Variants in RBM5 observed in about 807,000 individuals in gnomAD.
The protein encoded by RBM5 is RNA binding motif protein 5.
A neutral mutation model predicts 124.6 loss-of-function variants in RBM5; 15 were observed. The ratio of observed to expected loss-of-function variants is 0.12; its 90% CI spans 0.08 to 0.19. RBM5 has a LOEUF of 0.19. RBM5 is among the 10% of genes least tolerant of loss of function. The pLI is 1.00. For synonymous variants in RBM5, 337 were observed against 361.2 expected (o/e 0.93, Z 0.76); for missense variants, 580 against 1,026.5 (o/e 0.57, Z 5.94).
chr3:50,116,421 G>GA (rs1289920971), intron 22 of RBM5: 1 of 179,184 alleles, frequency 5.6e-6, no homozygotes, highest in Non-Finnish European at 1.2e-5. Context: ...ACAAAGGCAA[G>GA]AGAGAAGCCT....
chr3:50,113,322 A>T, intron 17 of RBM5, 61 bp from the exon 18 acceptor site: 3 of 1,522,144 alleles, frequency 2.0e-6, no homozygotes, highest in Admixed American at 3.9e-5. Flanking sequence ...TTGACAAAAT[A>T]TGTAATCGAC....
intron 4 of RBM5, among the ~76,000 whole-genome samples, chr3:50,096,803 CTCTT>C (rs1481077311): frequency 1.3e-5 from 2 of 150,056 alleles, no homozygotes; most frequent in Non-Finnish European, 3.0e-5. Flanking sequence ...GACAAGGTCT[CTCTT>C]TATTGCCTAG....
chr3:50,113,957 A>G lies in RBM5; in HGVS notation c.1625A>G (p.Lys542Arg). ...TTTGTTGTTTGACATTAGATTGCCAAAGACATGGAACGCTGGGCTAAGAGT... is the reference window on the plus strand; with the variant it reads ...TTTGTTGTTTGACATTAGATTGCCAGAGACATGGAACGCTGGGCTAAGAGT... ...PKSKTAQQIA[K>R]DMERWAKSLN... The change falls in exon 19 of 25, where the codon AAA becomes AGA. Residue 542 changes from lysine (K) to arginine (R), a missense_variant. Transcript: ENST00000347869. 1 of 1,611,122 alleles carries G rather than the reference A, an allele frequency of 6.2e-7. No individual in the cohort carries two copies. The highest frequency in any genetic ancestry group is 8.5e-7 in the Non-Finnish European group (1 of 1,178,976).
At chr3:50,107,347 C>G (rs2091051908) in intron 11 of RBM5, 135 bp from the exon 12 acceptor site, 1 of 704,066 alleles carries the variant, frequency 1.4e-6, no homozygotes, top group African/African-American at 1.7e-5. Context: ...CCATGAAGAG[C>G]CCTCCCCCTG....
rs1402965368 is a variant in RBM5 at position 50,110,482 on chromosome 3, G to A, written c.1363+19G>A. 12 of 1,604,382 alleles carry A rather than the reference G, an allele frequency of 7.5e-6. No individual in the cohort carries two copies. Among genetic ancestry groups the A allele is most frequent in the Non-Finnish European group, 1.0e-5 (12 of 1,171,312 alleles). On this transcript the variant is annotated intron_variant, in intron 16 of 24. Coordinates refer to ENST00000347869, the MANE Select transcript of RBM5 (RefSeq NM_005778.4). ...AAATATGGTAAGCCAAACCTCATGG[G>A]GCTGTTGACAGTTGGAAGGTCTTAG...
intron 3 of RBM5, 130 bp from the exon 4 acceptor site, chr3:50,093,590 A>G (rs2090749707): frequency 1.0e-6 from 1 of 990,574 alleles, no homozygotes; most frequent in Non-Finnish European, 1.4e-6. Context: ...AAAAAATTGC[A>G]GTGAACATTA....
At chr3:50,114,373 G>T in intron 20 of RBM5, 122 bp downstream of exon 20, 1 of 935,202 alleles carries the variant, frequency 1.1e-6, no homozygotes, top group Non-Finnish European at 1.6e-6. Flanking sequence ...CTGTTGATGG[G>T]TATTGGAGCA....
intron 22 of RBM5, 88 bp from the exon 23 acceptor site, chr3:50,116,986 C>T (rs1015443640): frequency 7.4e-6 from 9 of 1,221,158 alleles, no homozygotes; most frequent in Non-Finnish European, 1.1e-5. Flanking sequence ...TTTAAAAATA[C>T]TTGAGGGGAT....
chr3:50,109,887 A>T, intron 15 of RBM5, 199 bp downstream of exon 15: 1 of 501,962 alleles, frequency 2.0e-6, no homozygotes, highest in Non-Finnish European at 3.5e-6. Context: ...TCAACTGTGT[A>T]TTTACACTTT....
intron 14 of RBM5, among the ~76,000 whole-genome samples, chr3:50,109,163 T>C (rs1179954908): frequency 6.6e-6 from 1 of 152,130 alleles, no homozygotes; most frequent in Admixed American, 6.5e-5. Context: ...GAGCTCTGCC[T>C]CCCAGGTTCA....
chr3:50,106,087 G>GA (rs1408105143), intron 10 of RBM5, among the ~76,000 whole-genome samples: 4 of 146,098 alleles, frequency 2.7e-5, no homozygotes, highest in Non-Finnish European at 5.9e-5. Context: ...TGAGTAGCTG[G>GA]GATTACAGGT....
At chr3:50,108,428 G>C in intron 14 of RBM5, 124 bp downstream of exon 14, 1 of 976,894 alleles carries the variant, frequency 1.0e-6, no homozygotes, top group Non-Finnish European at 1.6e-6. Flanking sequence ...AGGGGGCATG[G>C]CCGGGCACGG....
chr3:50,101,953 G>A (rs1186017516), intron 6 of RBM5: 2 of 152,132 alleles, frequency 1.3e-5, no homozygotes, highest in African/African-American at 4.8e-5. Flanking sequence ...TGAGTGGATG[G>A]CCCTTCAGCT....
At chr3:50,101,961 G>T (rs956107179) in intron 6 of RBM5, 4 of 152,136 alleles carry the variant, frequency 2.6e-5, no homozygotes, top group Non-Finnish European at 5.9e-5. Flanking sequence ...TGGCCCTTCA[G>T]CTTTTTCTCT....
In RBM5 at chr3:50,100,722, CT is replaced by C. The variant is rs1241140285; in HGVS notation, c.483+120del. ...GAGTGACTTTTTTTTAAAAAAAAAG[CT>C]TTGTATATATTAAAATTGATGTTAC... On this transcript the variant is annotated intron_variant, in intron 6 of 24. Coordinates refer to ENST00000347869, the MANE Select transcript of RBM5 (RefSeq NM_005778.4). The surrounding 1 kb of genome is among the most constrained non-coding windows in gnomAD (Gnocchi z 5.1). 1 of 728,554 alleles carries C rather than the reference CT, an allele frequency of 1.4e-6. No individual in the cohort carries two copies. The highest frequency in any genetic ancestry group is 1.8e-5 in the African/African-American group (1 of 56,106). The allele number at this position is 728,554 out of a possible 1,614,324, so 45.1% of individuals were successfully genotyped here.
intron 17 of RBM5, among the ~76,000 whole-genome samples, chr3:50,111,182 G>T (rs1048898111): frequency 6.6e-6 from 1 of 152,126 alleles, no homozygotes; most frequent in African/African-American, 2.4e-5. Flanking sequence ...ACAATTTATG[G>T]AAAGACCTAG....
chr3:50,102,879 T>C, intron 6 of RBM5: 1 of 546,620 alleles, frequency 1.8e-6, no homozygotes, highest in Admixed American at 3.4e-5. Context: ...ACTCCCTGAC[T>C]CCGTTTACCT....
rs955061708 is a variant in RBM5 at position 50,105,831 on chromosome 3, A to G, written c.855+122A>G. 7 of 1,067,642 alleles carry G rather than the reference A, an allele frequency of 6.6e-6. No individual in the cohort carries two copies. The South Asian group carries it at 8.3e-5, about 13-fold the overall frequency. The allele number at this position is 1,067,642 out of a possible 1,614,324, so 66.1% of individuals were successfully genotyped here. ...CCAAGATGCAAGGCTCCCTAATGAC[A>G]GTTTTTGCACTGCTAAATTACAGGA... On this transcript the variant is annotated intron_variant, in intron 10 of 24. Transcript: ENST00000347869.
chr3:50,090,348 A>T, intron 1 of RBM5, 34 bp from the exon 2 acceptor site: 1 of 1,481,482 alleles, frequency 6.7e-7, no homozygotes, highest in Admixed American at 1.8e-5. Context: ...GTGATCTCTG[A>T]GATTTATAGC....
Sources: gnomAD v4.1 joint callset for allele counts (sites outside exome capture counted in the v4.1 genomes callset) on GRCh38, gnomAD v4.1.1 for gene constraint, Gnocchi (gnomAD v3.1) non-coding constraint, MANE v1.5 for transcripts, NCBI Gene and HGNC (gene_info 2026-07-23, HGNC 2026-07-21) for gene names.